The following CHCHD3 variants were observed in gnomAD, a reference collection of about 807,000 sequenced individuals.
CHCHD3 encodes MICOS complex subunit MIC19.
CHCHD3 carries 20 observed loss-of-function variants against 38.2 expected under a neutral mutation model. The observed-to-expected ratio is 0.52, with a 90% CI of 0.37 to 0.76. The LOEUF is 0.76. CHCHD3 is among the 30% of genes least tolerant of loss of function. CHCHD3 has a pLI of 0.00. For missense variants in CHCHD3, 245 were observed against 279.2 expected (o/e 0.88, Z 0.87); for synonymous variants, 82 against 100.0 (o/e 0.82, Z 1.07).
At chr7:132,995,940 T>A (rs952282537) in intron 3 of CHCHD3, among the ~76,000 whole-genome samples, 1 of 152,220 alleles carries the variant, frequency 6.6e-6, no homozygotes, top group African/African-American at 2.4e-5. Flanking sequence ...TTATTTCATT[T>A]ACTCCACACA....
At chr7:132,871,293 T>C (rs538405940) in intron 5 of CHCHD3, among the ~76,000 whole-genome samples, 12 of 152,306 alleles carry the variant, frequency 7.9e-5, no homozygotes, top group Admixed American at 2.0e-4. Flanking sequence ...ATACATAATA[T>C]AATTTTTTAA....
intron 3 of CHCHD3, among the ~76,000 whole-genome samples, chr7:132,996,822 G>A (rs1812430458): frequency 1.3e-5 from 2 of 152,190 alleles, no homozygotes; most frequent in Non-Finnish European, 2.9e-5. Context: ...GAAAAACACC[G>A]TGGGGTGGGA....
At chr7:132,868,897 C>A (rs981651024) in intron 5 of CHCHD3, among the ~76,000 whole-genome samples, 1 of 152,076 alleles carries the variant, frequency 6.6e-6, no homozygotes, top group Non-Finnish European at 1.5e-5. Flanking sequence ...AGCCTGGTGA[C>A]CCACCCTCAC....
chr7:132,960,286 C>T (rs1306115737), intron 4 of CHCHD3, among the ~76,000 whole-genome samples: 8 of 151,548 alleles, frequency 5.3e-5, no homozygotes, highest in South Asian at 2.1e-4. Flanking sequence ...GAAGAGAGGA[C>T]GGGGAAAGCA....
Position 132,925,233 on chromosome 7 carries a change from T to TA in CHCHD3, c.370-39489dup, listed in dbSNP as rs1042756853. 6.6e-4 allele frequency among the ~76,000 whole-genome samples: 99 copies of TA among 150,846 alleles called. 1 individual carries two copies. Among genetic ancestry groups the TA allele is most frequent in the East Asian group, 7.7e-4 (4 of 5,162 alleles). On this transcript the variant is annotated intron_variant, in intron 4 of 7. Coordinates refer to ENST00000262570, the MANE Select transcript of CHCHD3 (RefSeq NM_017812.4). ...TTAGAAAAGGGAGAGGCTCTTATTT[T>TA]AAAAAAAAGAAAAAAAAAGGAGGGA...
At chr7:132,861,822 C>T (rs1415806718) in intron 5 of CHCHD3, among the ~76,000 whole-genome samples, 3 of 152,000 alleles carry the variant, frequency 2.0e-5, no homozygotes, top group African/African-American at 7.3e-5. Context: ...ATTTTTTCCC[C>T]AACCATTTAA....
intron 3 of CHCHD3, among the ~76,000 whole-genome samples, chr7:133,007,855 T>C (rs1239030224): frequency 1.3e-5 from 2 of 152,340 alleles, no homozygotes; most frequent in Admixed American, 6.5e-5. Context: ...AGGACTATTA[T>C]ATTAAAACCA....
intron 6 of CHCHD3, among the ~76,000 whole-genome samples, chr7:132,821,953 G>A (rs563426898): frequency 9.9e-4 from 151 of 151,892 alleles, no homozygotes; most frequent in African/African-American, 3.5e-3. Flanking sequence ...TAGTAGAGAC[G>A]GGGTTTCACC....
At chr7:132,965,472 ATCTAAAAACAAAT>A (rs1458572802) in intron 4 of CHCHD3, among the ~76,000 whole-genome samples, 1 of 152,120 alleles carries the variant, frequency 6.6e-6, no homozygotes, top group Non-Finnish European at 1.5e-5. Context: ...AAAAAACTAA[ATCTAAAAACAAAT>A]ATTGCTTTTA....
chr7:132,969,761 C>T (rs976128002), intron 4 of CHCHD3, among the ~76,000 whole-genome samples: 3 of 152,160 alleles, frequency 2.0e-5, no homozygotes, highest in African/African-American at 7.2e-5. Context: ...TCTGGGCTTC[C>T]AGCCATTTCC....
At chr7:132,839,348 G>A (rs1214847716) in intron 5 of CHCHD3, among the ~76,000 whole-genome samples, 1 of 152,078 alleles carries the variant, frequency 6.6e-6, no homozygotes, top group Admixed American at 6.6e-5. Flanking sequence ...AACAGGAATG[G>A]ACACATAAAC....
chr7:132,926,873 A>G (rs1247118573), intron 4 of CHCHD3, among the ~76,000 whole-genome samples: 1 of 151,754 alleles, frequency 6.6e-6, no homozygotes, highest in East Asian at 1.9e-4. Flanking sequence ...TAATCCATGG[A>G]TGGGTGAATT....
chr7:133,027,362 T>TG (rs770419207), intron 2 of CHCHD3, among the ~76,000 whole-genome samples: 19,216 of 95,676 alleles, frequency 0.2, 1,408 homozygotes, highest in Middle Eastern at 0.33. Context: ...TAATAAGTTG[T>TG]AAGAGAGAGA....
At chr7:132,824,167 C>A (rs1221318007) in intron 6 of CHCHD3, among the ~76,000 whole-genome samples, 2 of 152,060 alleles carry the variant, frequency 1.3e-5, no homozygotes, top group Admixed American at 1.3e-4. Context: ...TAAACGTATA[C>A]AACATCTATG....
intron 6 of CHCHD3, among the ~76,000 whole-genome samples, chr7:132,811,954 GTGAC>G (rs1173284843): frequency 2.0e-5 from 3 of 152,030 alleles, no homozygotes; most frequent in Non-Finnish European, 4.4e-5. Flanking sequence ...CCTCTTATAG[GTGAC>G]TGACTATTGC....
chr7:132,922,676 C>A (rs1810289564), intron 4 of CHCHD3, among the ~76,000 whole-genome samples: 1 of 151,934 alleles, frequency 6.6e-6, no homozygotes, highest in Non-Finnish European at 1.5e-5. Context: ...AGAAACTATT[C>A]TGATTATTTG....
chr7:132,999,012 T>G (rs1283956384), intron 3 of CHCHD3, among the ~76,000 whole-genome samples: 3 of 152,148 alleles, frequency 2.0e-5, no homozygotes, highest in Non-Finnish European at 4.4e-5. Context: ...AATGTTAGCA[T>G]TTTAAAAATA....
At chr7:133,031,716 A>G (rs534220734) in intron 2 of CHCHD3, among the ~76,000 whole-genome samples, 2 of 152,252 alleles carry the variant, frequency 1.3e-5, no homozygotes, top group East Asian at 3.9e-4. Flanking sequence ...TTCATGTGCT[A>G]GTTTAAACAC....
intron 5 of CHCHD3, among the ~76,000 whole-genome samples, chr7:132,881,264 G>A (rs966507459): frequency 1.3e-5 from 2 of 152,032 alleles, no homozygotes; most frequent in African/African-American, 4.8e-5. Context: ...TAAATACCTG[G>A]GTAGAGGGAG....
Sources: gnomAD v4.1 joint callset for allele counts (sites outside exome capture counted in the v4.1 genomes callset) on GRCh38, gnomAD v4.1.1 for gene constraint, MANE v1.5 for transcripts, NCBI Gene and HGNC (gene_info 2026-07-23, HGNC 2026-07-21) for gene names.